Variants in CACNB2 observed in about 807,000 individuals in gnomAD.
CACNB2 encodes the protein voltage-dependent L-type calcium channel subunit beta-2.
In CACNB2, 42 loss-of-function variants were observed where a neutral mutation model predicts 73.3. The observed-to-expected ratio is 0.57, with a 90% CI of 0.45 to 0.74. The LOEUF (loss-of-function observed/expected upper bound fraction) is 0.74. Ranked by LOEUF, CACNB2 falls within the 30% of genes least tolerant of loss-of-function variation. CACNB2 has a pLI of 0.00. For synonymous variants in CACNB2, 348 were observed against 310.3 expected (o/e 1.12, Z -1.28); for missense variants, 940 against 853.0 (o/e 1.10, Z -1.27).
intron 2 of CACNB2, among the ~76,000 whole-genome samples, chr10:18,216,315 A>G (rs962093218): frequency 6.6e-6 from 1 of 151,248 alleles, no homozygotes; most frequent in African/African-American, 2.4e-5. Flanking sequence ...GCAATAATAA[A>G]TAATAAAAAA....
chr10:18,415,334 T>C (rs978461615), intron 3 of CACNB2, among the ~76,000 whole-genome samples: 1 of 151,920 alleles, frequency 6.6e-6, no homozygotes, highest in Non-Finnish European at 1.5e-5. Context: ...GGTATGGTGG[T>C]ACATGCCTGC....
At chr10:18,318,561 A>C (rs1190989707) in intron 2 of CACNB2, among the ~76,000 whole-genome samples, 1 of 152,230 alleles carries the variant, frequency 6.6e-6, no homozygotes, top group Non-Finnish European at 1.5e-5. Context: ...CTTTATGATG[A>C]AAACACCAAA....
chr10:18,252,142 C>T (rs955434400), intron 2 of CACNB2, among the ~76,000 whole-genome samples: 3 of 152,156 alleles, frequency 2.0e-5, no homozygotes, highest in Non-Finnish European at 4.4e-5. Flanking sequence ...ACCTATTGTC[C>T]TTTCTCTCTG....
intron 2 of CACNB2, among the ~76,000 whole-genome samples, chr10:18,366,348 C>G (rs1342664745): frequency 6.6e-6 from 1 of 151,574 alleles, no homozygotes; most frequent in Non-Finnish European, 1.5e-5. Flanking sequence ...ACCTGTAATC[C>G]TAGCTCCTCA....
chr10:18,409,168 G>A (rs2044470704), intron 3 of CACNB2, among the ~76,000 whole-genome samples: 1 of 152,124 alleles, frequency 6.6e-6, no homozygotes, highest in South Asian at 2.1e-4. Flanking sequence ...GTGTGGTGTT[G>A]TGCATCTGTA....
chr10:18,249,778 C>T (rs2037015191), intron 2 of CACNB2, among the ~76,000 whole-genome samples: 2 of 152,212 alleles, frequency 1.3e-5, no homozygotes, highest in Admixed American at 6.5e-5. Flanking sequence ...TCTCTACTCA[C>T]ACCTCCCTTC....
At chr10:18,168,727 G>A (rs1351818442) in intron 2 of CACNB2, among the ~76,000 whole-genome samples, 6 of 152,116 alleles carry the variant, frequency 3.9e-5, no homozygotes, top group East Asian at 3.8e-4. Flanking sequence ...TTCTGATGCC[G>A]TGTGATCCTG....
intron 3 of CACNB2, among the ~76,000 whole-genome samples, chr10:18,430,406 G>A (rs1589329507): frequency 6.6e-6 from 1 of 151,960 alleles, no homozygotes; most frequent in Non-Finnish European, 1.5e-5. Flanking sequence ...AGGAGTTGCA[G>A]GTTAACTTCT....
At chr10:18,147,380 A>G (rs1754413756) in intron 1 of CACNB2, among the ~76,000 whole-genome samples, 1 of 152,156 alleles carries the variant, frequency 6.6e-6, no homozygotes, top group African/African-American at 2.4e-5. Flanking sequence ...ATATAAATAT[A>G]AGAGTTTTTT....
intron 2 of CACNB2, among the ~76,000 whole-genome samples, chr10:18,286,413 GA>G (rs1488756660): frequency 6.6e-6 from 1 of 150,844 alleles, no homozygotes; most frequent in Admixed American, 6.6e-5. Context: ...AGCTACTCGG[GA>G]GGCTGAGGCA....
chr10:18,251,730 G>T (rs1436037820), intron 2 of CACNB2, among the ~76,000 whole-genome samples: 1 of 152,218 alleles, frequency 6.6e-6, no homozygotes, highest in Non-Finnish European at 1.5e-5. Context: ...ATGGCAGACA[G>T]GTGAAGGGGA....
chr10:18,356,950 T>TTTTTC (rs371226437), intron 2 of CACNB2, among the ~76,000 whole-genome samples: 10 of 124,726 alleles, frequency 8.0e-5, no homozygotes, highest in Admixed American at 1.7e-4. Flanking sequence ...TTCTTTTTTT[T>TTTTTC]TTTTTTTTTT....
chr10:18,414,499 T>A (rs2044826859), intron 3 of CACNB2, among the ~76,000 whole-genome samples: 1 of 120,704 alleles, frequency 8.3e-6, no homozygotes, highest in Non-Finnish European at 1.8e-5. Flanking sequence ...TTTTTTTTTT[T>A]TTTTTTGGAG....
At chr10:18,486,925 G>C (rs1354837898) in intron 3 of CACNB2, among the ~76,000 whole-genome samples, 1 of 152,106 alleles carries the variant, frequency 6.6e-6, no homozygotes, top group Non-Finnish European at 1.5e-5. Flanking sequence ...TAAGAGCGGA[G>C]GTTTAATAGG....
intron 2 of CACNB2, among the ~76,000 whole-genome samples, chr10:18,389,168 T>A (rs2043357968): frequency 6.6e-6 from 1 of 152,184 alleles, no homozygotes; most frequent in Admixed American, 6.5e-5. Flanking sequence ...GATGGGAGTC[T>A]CACTCTGTCA....
chr10:18,260,083 ATCTG>A (rs895088645), intron 2 of CACNB2, among the ~76,000 whole-genome samples: 1 of 152,214 alleles, frequency 6.6e-6, no homozygotes, highest in Non-Finnish European at 1.5e-5. Flanking sequence ...TTGGATCAAT[ATCTG>A]TGACACACTA....
intron 2 of CACNB2, among the ~76,000 whole-genome samples, chr10:18,171,587 T>TAA (rs974444420): frequency 9.6e-6 from 1 of 104,436 alleles, no homozygotes; most frequent in Non-Finnish European, 2.0e-5. Flanking sequence ...AATTCCAGTT[T>TAA]AAAAAAAAAA....
At chr10:18,321,865 T>G (rs2040409077) in intron 2 of CACNB2, among the ~76,000 whole-genome samples, 1 of 152,106 alleles carries the variant, frequency 6.6e-6, no homozygotes, top group African/African-American at 2.4e-5. Flanking sequence ...GGGAGAAACC[T>G]TTCTAAGCCA....
chr10:18,194,078 G>A (rs2131280354), intron 2 of CACNB2, among the ~76,000 whole-genome samples: 1 of 152,242 alleles, frequency 6.6e-6, no homozygotes, highest in African/African-American at 2.4e-5. Flanking sequence ...AAGGAGTTGA[G>A]TATGAAGGAT....
Sources: gnomAD v4.1 joint callset for allele counts (sites outside exome capture counted in the v4.1 genomes callset) on GRCh38, gnomAD v4.1.1 for gene constraint, MANE v1.5 for transcripts, NCBI Gene and HGNC (gene_info 2026-07-23, HGNC 2026-07-21) for gene names.